Variants in PDS5A observed in about 807,000 individuals in gnomAD.
PDS5A encodes the protein PDS5 cohesin associated factor A.
PDS5A carries 42 observed loss-of-function variants against 167.1 expected under a neutral mutation model. The ratio of observed to expected loss-of-function variants is 0.25; its 90% CI spans 0.20 to 0.33. PDS5A has a LOEUF of 0.33. Among genes scored for constraint, PDS5A ranks in the 10% least tolerant of loss-of-function variants. PDS5A has a pLI of 1.00. For missense variants in PDS5A, 1,033 were observed against 1,605.9 expected (o/e 0.64, Z 6.10); for synonymous variants, 553 against 554.6 (o/e 1.00, Z 0.04).
At chr4:39,836,043 T>C (rs2109478730) in intron 32 of PDS5A, among the ~76,000 whole-genome samples, 1 of 152,340 alleles carries the variant, frequency 6.6e-6, no homozygotes, top group South Asian at 2.1e-4. Context: ...GTAAGGAAAC[T>C]AGAATTTAAA....
chr4:39,947,450 G>T (rs73229723), intron 2 of PDS5A, among the ~76,000 whole-genome samples: 10,578 of 151,802 alleles, frequency 0.07, 478 homozygotes, highest in Non-Finnish European at 0.1. Context: ...TGTCTGAAAG[G>T]GGGGAAAAAA....
chr4:39,849,014 A>C, intron 27 of PDS5A, 44 bp from the exon 28 acceptor site: 2 of 1,306,836 alleles, frequency 1.5e-6, no homozygotes, highest in Non-Finnish European at 2.1e-6. Context: ...GTATTGCAAA[A>C]TAATCATAAT....
In PDS5A at chr4:39,873,073, A is replaced by T; in HGVS notation, c.2349T>A (p.Ile783=). Residue 783 remains isoleucine, a synonymous_variant, in exon 21 of 33, where the codon ATT becomes ATA. Transcript: ENST00000303538. The part of the protein sequence containing the change: ...LITPLVSLGH[I]SMLAPDQFAS... ...CAAACTGATCTGGTGCTAACATAGA[A>T]ATGTGGCCCAATGAAACTAATGGAG... is the stretch of plus-strand genomic sequence containing the variant. 1 of 1,558,888 alleles carries T rather than the reference A, an allele frequency of 6.4e-7. No homozygotes were observed. Among genetic ancestry groups the T allele is most frequent in the Non-Finnish European group, 8.8e-7 (1 of 1,142,150 alleles).
chr4:39,826,153 C>G lies in PDS5A; in HGVS notation c.4011-665G>C, dbSNP rs144304478. Among the ~76,000 whole-genome samples, 428 of 150,502 alleles carry G rather than the reference C, an allele frequency of 2.8e-3. 8 individuals carry two copies. The highest frequency in any genetic ancestry group is 0.026 in the Admixed American group (398 of 15,086). On this transcript the variant is annotated intron_variant, in intron 32 of 32. Transcript: ENST00000303538. ...AGCTGGGTAAACATAAACGTTTTAG[C>G]ATACTAAAAACATCCCAACCAAACT...
intron 2 of PDS5A, among the ~76,000 whole-genome samples, chr4:39,964,948 AAT>A (rs1729839689): frequency 2.6e-5 from 4 of 151,386 alleles, no homozygotes; most frequent in Admixed American, 1.3e-4. Flanking sequence ...CTCAAAAAAT[AAT>A]AATAATAATA....
chr4:39,917,338 T>C, intron 7 of PDS5A, 150 bp from the exon 8 acceptor site: 3 of 490,642 alleles, frequency 6.1e-6, no homozygotes, highest in Admixed American at 4.3e-5. Flanking sequence ...ATTACTAATA[T>C]ATAATAGGAC....
intron 2 of PDS5A, among the ~76,000 whole-genome samples, chr4:39,965,777 T>C (rs1729917431): frequency 6.6e-6 from 1 of 152,104 alleles, no homozygotes; most frequent in Admixed American, 6.6e-5. Context: ...TGCCAGGAGC[T>C]GGGGAAGGGA....
intron 2 of PDS5A, among the ~76,000 whole-genome samples, chr4:39,948,838 T>A (rs888646775): frequency 1.3e-5 from 2 of 152,078 alleles, no homozygotes; most frequent in African/African-American, 4.8e-5. Context: ...TTGGCCAGGC[T>A]GGTCTTGAAT....
intron 10 of PDS5A, chr4:39,910,031 C>T (rs142974730): frequency 2.5e-6 from 1 of 396,448 alleles, no homozygotes; most frequent in African/African-American, 2.0e-5. Flanking sequence ...GGAGTGAAAG[C>T]CTTTCTCTTA....
At chr4:39,882,826 T>G (rs771425168) in intron 17 of PDS5A, among the ~76,000 whole-genome samples, 44 of 152,126 alleles carry the variant, frequency 2.9e-4, no homozygotes, top group Non-Finnish European at 5.4e-4. Flanking sequence ...TAATATATAT[T>G]TCACAGGGCT....
At chr4:39,914,041 A>T (rs1255186816) in intron 8 of PDS5A, among the ~76,000 whole-genome samples, 13 of 152,216 alleles carry the variant, frequency 8.5e-5, no homozygotes, top group Non-Finnish European at 2.9e-5. Context: ...TAAGAACCCT[A>T]TAAAAACATC....
At chr4:39,973,534 A>G in intron 2 of PDS5A, 1 of 1,332,666 alleles carries the variant, frequency 7.5e-7, no homozygotes, top group Middle Eastern at 1.8e-4. Flanking sequence ...TCCATTTGGT[A>G]CAATCACTAG....
chr4:39,867,163 T>C (rs926487596), intron 22 of PDS5A, 166 bp from the exon 23 acceptor site: 12 of 524,060 alleles, frequency 2.3e-5, no homozygotes, highest in African/African-American at 2.1e-4. Context: ...ATTTACTCTG[T>C]GCTTAACCAG....
chr4:39,908,621 G>C, intron 10 of PDS5A, 81 bp from the exon 11 acceptor site: 1 of 868,478 alleles, frequency 1.2e-6, no homozygotes, highest in South Asian at 1.5e-5. Context: ...ACAGAAATAT[G>C]TTAAGTTTTT....
At chr4:39,910,391 C>A in intron 9 of PDS5A, 53 bp from the exon 10 acceptor site, 1 of 873,480 alleles carries the variant, frequency 1.1e-6, no homozygotes, top group South Asian at 1.4e-5. Context: ...TAATCACTCT[C>A]AAATCAGGTA....
intron 32 of PDS5A, among the ~76,000 whole-genome samples, chr4:39,834,597 C>T (rs1323711378): frequency 6.6e-6 from 1 of 152,020 alleles, no homozygotes; most frequent in East Asian, 1.9e-4. Flanking sequence ...TCTTTGGTCA[C>T]TAATGAAAAA....
intron 32 of PDS5A, among the ~76,000 whole-genome samples, chr4:39,826,579 G>A (rs557704807): frequency 5.9e-5 from 9 of 151,814 alleles, no homozygotes; most frequent in South Asian, 2.1e-4. Flanking sequence ...TCCACCTCCC[G>A]GGTTCAAGCG....
chr4:39,868,148 A>G (rs1293569708), intron 22 of PDS5A, among the ~76,000 whole-genome samples: 1 of 152,106 alleles, frequency 6.6e-6, no homozygotes, highest in East Asian at 1.9e-4. Context: ...ACTGAGCTTT[A>G]CATCTATTAA....
At chr4:39,956,838 AT>A (rs1728969296) in intron 2 of PDS5A, among the ~76,000 whole-genome samples, 1 of 151,924 alleles carries the variant, frequency 6.6e-6, no homozygotes. Flanking sequence ...CATCCAGCTA[AT>A]TTTTGTATTT....
Sources: gnomAD v4.1 joint callset for allele counts (sites outside exome capture counted in the v4.1 genomes callset) on GRCh38, gnomAD v4.1.1 for gene constraint, MANE v1.5 for transcripts, NCBI Gene and HGNC (gene_info 2026-07-23, HGNC 2026-07-21) for gene names.